SDCCAG8: variants seen among roughly 807,000 people sequenced by gnomAD.
SDCCAG8 encodes the protein SHH signaling and ciliogenesis regulator SDCCAG8.
SDCCAG8 carries 74 observed loss-of-function variants against 101.8 expected under a neutral mutation model. That is an observed-to-expected ratio of 0.73 (90% CI 0.60 to 0.88). SDCCAG8 has a LOEUF of 0.88. Ranked by LOEUF, SDCCAG8 falls within the 40% of genes least tolerant of loss-of-function variation. SDCCAG8 has a pLI of 0.00. For synonymous variants in SDCCAG8, 281 were observed against 292.9 expected (o/e 0.96, Z 0.41); for missense variants, 787 against 822.6 (o/e 0.96, Z 0.53).
intron 16 of SDCCAG8, among the ~76,000 whole-genome samples, chr1:243,479,798 A>G (rs750324843): frequency 6.6e-6 from 1 of 152,118 alleles, no homozygotes; most frequent in African/African-American, 2.4e-5. Flanking sequence ...TTGAAGCCAC[A>G]CAAAAATTAT....
chr1:243,446,364 T>A (rs966275509), intron 16 of SDCCAG8, among the ~76,000 whole-genome samples: 8 of 152,160 alleles, frequency 5.3e-5, no homozygotes, highest in African/African-American at 1.9e-4. Context: ...CATCCTGGGA[T>A]AAATTGATCC....
chr1:243,261,998 C>T (rs547253679), intron 1 of SDCCAG8, among the ~76,000 whole-genome samples: 10 of 149,628 alleles, frequency 6.7e-5, no homozygotes, highest in South Asian at 2.1e-4. Context: ...TTAGTAGAGA[C>T]GGGGTTTCTC....
chr1:243,323,891 C>T (rs1283421491), intron 9 of SDCCAG8, among the ~76,000 whole-genome samples: 1 of 152,166 alleles, frequency 6.6e-6, no homozygotes, highest in African/African-American at 2.4e-5. Context: ...ATGTTACTCT[C>T]ATGGGTCCAC....
chr1:243,315,679 TCAAG>T (rs1212888392), intron 8 of SDCCAG8, among the ~76,000 whole-genome samples: 1 of 152,178 alleles, frequency 6.6e-6, no homozygotes, highest in Non-Finnish European at 1.5e-5. Context: ...TGAAAGTAAT[TCAAG>T]CAGAGTTTAT....
At chr1:243,299,130 C>T (rs760100565) in intron 6 of SDCCAG8, among the ~76,000 whole-genome samples, 36 of 152,168 alleles carry the variant, frequency 2.4e-4, no homozygotes, top group Non-Finnish European at 8.8e-5. Flanking sequence ...ATACATCTTT[C>T]ATTAGAATTA....
chr1:243,375,243 A>G (rs2077532847), intron 12 of SDCCAG8, among the ~76,000 whole-genome samples: 1 of 152,120 alleles, frequency 6.6e-6, no homozygotes, highest in Non-Finnish European at 1.5e-5. Context: ...AAAAATGTGA[A>G]GATAAACATC....
intron 12 of SDCCAG8, among the ~76,000 whole-genome samples, chr1:243,356,422 G>GC (rs978984019): frequency 1.1e-4 from 16 of 150,726 alleles, no homozygotes; most frequent in East Asian, 3.9e-4. Context: ...AGTAGTGGCG[G>GC]GGGGGTGGTG....
chr1:243,492,500 C>T (rs1270384670), intron 17 of SDCCAG8, among the ~76,000 whole-genome samples: 3 of 150,726 alleles, frequency 2.0e-5, no homozygotes, highest in Admixed American at 6.6e-5. Context: ...AACGGGGTTT[C>T]GCCATGTTGG....
intron 16 of SDCCAG8, among the ~76,000 whole-genome samples, chr1:243,432,418 A>G (rs188485021): frequency 1.7e-3 from 265 of 152,296 alleles, no homozygotes; most frequent in Non-Finnish European, 2.5e-3. Context: ...CAGGACAAAT[A>G]ACTAATGGGT....
At chr1:243,286,949 C>T (rs2069681734) in intron 5 of SDCCAG8, among the ~76,000 whole-genome samples, 1 of 152,066 alleles carries the variant, frequency 6.6e-6, no homozygotes, top group Non-Finnish European at 1.5e-5. Flanking sequence ...GAAGATTAAC[C>T]TATACCAGGA....
intron 16 of SDCCAG8, among the ~76,000 whole-genome samples, chr1:243,438,937 A>G (rs1028053268): frequency 3.9e-5 from 6 of 152,198 alleles, no homozygotes; most frequent in Non-Finnish European, 1.5e-5. Flanking sequence ...GTTTTAAGAT[A>G]TGTTAACTAA....
In SDCCAG8 at chr1:243,344,254, A is replaced by G; in HGVS notation, c.1396A>G (p.Met466Val). 1.2e-6 allele frequency: 2 copies of G among 1,614,036 alleles called. No individual in the cohort carries two copies. Among genetic ancestry groups the G allele is most frequent in the Admixed American group, 1.7e-5 (1 of 60,024 alleles). Residue 466 changes from methionine to valine, a missense_variant, in exon 12 of 18, where the codon ATG (methionine) becomes GTG (valine). By Grantham distance (21) the Met-to-Val change is conservative (BLOSUM62 1). Transcript: ENST00000366541. ...EMRYQLNKTN[M>V]EKDEAEKEHR... ...GCGCTATCAGCTGAATAAAACCAACATGGAGAAGGATGAGGCAGAAAAGGA... is the reference window on the plus strand; with the variant it reads ...GCGCTATCAGCTGAATAAAACCAACGTGGAGAAGGATGAGGCAGAAAAGGA...
At position 243,316,770 on chromosome 1, in the gene SDCCAG8, G is replaced by T; in HGVS notation, c.945G>T (p.Leu315Phe). 1 of 1,614,132 alleles carries T rather than the reference G, an allele frequency of 6.2e-7. No homozygotes were observed. Among genetic ancestry groups the T allele is most frequent in the South Asian group, 1.1e-5 (1 of 91,070 alleles). ...GTGCTGACAGAGAAAGAGATGACTT[G>T]ATGTCTGCACTAGTTTCCGTAAGGA... ...IERLVKERDD[L>F]MSALVSVRSS... The change falls in exon 9 of 18, where the codon TTG becomes TTT. Residue 315 changes from leucine to phenylalanine, a missense_variant. Leu to Phe is a conservative substitution (Grantham distance 22, BLOSUM62 0). Coordinates refer to ENST00000366541, the MANE Select transcript of SDCCAG8 (RefSeq NM_006642.5).
chr1:243,452,254 T>C (rs976428541), intron 16 of SDCCAG8, among the ~76,000 whole-genome samples: 1 of 152,172 alleles, frequency 6.6e-6, no homozygotes, highest in Non-Finnish European at 1.5e-5. Context: ...GTGTTAGTTG[T>C]GTAAAAGGAA....
At chr1:243,315,363 A>G (rs1233718158) in intron 8 of SDCCAG8, among the ~76,000 whole-genome samples, 2 of 152,178 alleles carry the variant, frequency 1.3e-5, no homozygotes, top group Non-Finnish European at 2.9e-5. Context: ...TTTTTTACAT[A>G]GTAATTGTGT....
At chr1:243,321,251 T>C (rs2073731781) in intron 9 of SDCCAG8, among the ~76,000 whole-genome samples, 1 of 152,202 alleles carries the variant, frequency 6.6e-6, no homozygotes, top group African/African-American at 2.4e-5. Context: ...TCTGTATCCT[T>C]CATTAAACTT....
At chr1:243,388,930 T>C (rs1315080235) in intron 13 of SDCCAG8, among the ~76,000 whole-genome samples, 1 of 150,238 alleles carries the variant, frequency 6.7e-6, no homozygotes, top group Non-Finnish European at 1.5e-5. Context: ...CCTGGCTATT[T>C]GGGAAGCTAC....
intron 17 of SDCCAG8, among the ~76,000 whole-genome samples, chr1:243,491,891 G>C (rs1666509875): frequency 6.6e-6 from 1 of 152,176 alleles, no homozygotes; most frequent in African/African-American, 2.4e-5. Flanking sequence ...CAGCCTGGAT[G>C]AGTTAAGCTT....
chr1:243,445,543 G>A (rs1375281735), intron 16 of SDCCAG8, among the ~76,000 whole-genome samples: 2 of 152,172 alleles, frequency 1.3e-5, no homozygotes, highest in African/African-American at 4.8e-5. Flanking sequence ...TGGTTAATTG[G>A]AAGGTCAAAA....
Sources: gnomAD v4.1 joint callset for allele counts (sites outside exome capture counted in the v4.1 genomes callset) on GRCh38, gnomAD v4.1.1 for gene constraint, MANE v1.5 for transcripts, NCBI Gene and HGNC (gene_info 2026-07-23, HGNC 2026-07-21) for gene names.